Variants in IFT20 observed in about 807,000 individuals in gnomAD.
IFT20 encodes intraflagellar transport protein 20 homolog.
In IFT20, 4 loss-of-function variants were observed where a neutral mutation model predicts 16.9. The ratio of observed to expected loss-of-function variants is 0.24; its 90% confidence interval spans 0.12 to 0.54. IFT20 has a LOEUF of 0.54. IFT20 is among the 20% of genes least tolerant of loss of function. IFT20 has a pLI of 0.95. For synonymous variants in IFT20, 48 were observed against 49.9 expected (o/e 0.96, Z 0.16); for missense variants, 154 against 149.7 (o/e 1.03, Z -0.15).
At chr17:28,333,107 A>ACACACACACACACACACACACACAC (rs1555576829) in intron 1 of IFT20, among the ~76,000 whole-genome samples, 2 of 150,826 alleles carry the variant, frequency 1.3e-5, no homozygotes, top group African/African-American at 4.9e-5. Context: ...ACACACACAC[A>ACACACACACACACACACACACACAC]ATTAAACATA....
chr17:28,332,091 C>G, intron 1 of IFT20, 104 bp from the exon 2 acceptor site: 1 of 1,605,762 alleles, frequency 6.2e-7, no homozygotes, highest in Non-Finnish European at 8.5e-7. Flanking sequence ...ATGCCAAAAA[C>G]CCAGGTGTTC....
At chr17:28,333,779 AAGAT>A (rs1195703216) in intron 1 of IFT20, among the ~76,000 whole-genome samples, 1 of 152,156 alleles carries the variant, frequency 6.6e-6, no homozygotes, top group Non-Finnish European at 1.5e-5. Flanking sequence ...AAAGATTTCT[AAGAT>A]AGCCAGACCT....
chr17:28,329,455 G>C, intron 3 of IFT20, 179 bp from the exon 4 acceptor site: 1 of 574,412 alleles, frequency 1.7e-6, no homozygotes, highest in Non-Finnish European at 3.1e-6. Context: ...AGTGCCTCAA[G>C]AACTAGACGG....
At chr17:28,329,519 A>G (rs1906589322) in intron 3 of IFT20, 2 of 456,806 alleles carry the variant, frequency 4.4e-6, no homozygotes, top group Non-Finnish European at 7.8e-6. Flanking sequence ...CAGGCACAAT[A>G]GCACATTTGG....
rs56753724 is a variant in IFT20 at position 28,333,072 on chromosome 17, A to AACACACACACACACACACAC, written c.-2-1105_-2-1086dup. Among the ~76,000 whole-genome samples the AACACACACACACACACACAC allele has an allele frequency of 8.2e-3, 1,179 of 144,530 alleles. 16 individuals carry two copies. The highest frequency in any genetic ancestry group is 0.035 in the East Asian group (163 of 4,670). The allele number at this position is 144,530 out of a possible 152,430, so 94.8% of individuals were successfully genotyped here. ...AAAACTCACTCTTGTTCTGGCTCAAAACACACACACACACACACACACACA... is the reference window on the plus strand; with the variant it reads ...AAAACTCACTCTTGTTCTGGCTCAAAACACACACACACACACACACACACACACACACACACACACACACA... On this transcript the variant is annotated intron_variant, in intron 1 of 4. Coordinates refer to ENST00000395418, the MANE Select transcript of IFT20 (RefSeq NM_001267776.2).
intron 3 of IFT20, chr17:28,330,235 CA>C (rs34843464): frequency 0.51 from 264,103 of 517,270 alleles, 27,440 homozygotes; most frequent in African/African-American, 0.68. Context: ...GACTCTGTCT[CA>C]AAAAAAAAAA....
At position 28,331,925 on chromosome 17, in the gene IFT20, C is replaced by A. The variant is rs1247390444; in HGVS notation, c.61G>T (p.Val21Leu). ...TGCTGGGTAACCTCTGGGTCCAACA[C>A]CCTCAGCTTGTTCAGTTCATCAAAG... ...LHFDELNKLR[V>L]LDPEVTQQTI... is the part of the protein sequence containing the mutation. The change falls in exon 2 of 5, where the codon GTG (valine) becomes TTG (leucine). Residue 21 changes from valine (V) to leucine (L), a missense_variant. Coordinates refer to ENST00000395418, the MANE Select transcript of IFT20 (RefSeq NM_001267776.2). 4 of 1,614,112 alleles carry A rather than the reference C, an allele frequency of 2.5e-6. No homozygotes were observed. The highest frequency in any genetic ancestry group is 1.6e-4 in the Middle Eastern group (1 of 6,084).
intron 3 of IFT20, chr17:28,330,055 G>A (rs1173382822): frequency 3.6e-5 from 18 of 496,502 alleles, no homozygotes; most frequent in Admixed American, 1.2e-4. Flanking sequence ...AGAAAACTCC[G>A]TCTCAAAAAA....
chr17:28,329,443 AAAGTGCCTC>A (rs1906582752), intron 3 of IFT20, 167 bp from the exon 4 acceptor site: 2 of 588,736 alleles, frequency 3.4e-6, no homozygotes, highest in Admixed American at 6.4e-5. Flanking sequence ...TACTGATCAC[AAAGTGCCTC>A]AAGAACTAGA....
chr17:28,334,973 C>T (rs1907044207), intron 1 of IFT20, among the ~76,000 whole-genome samples: 1 of 151,758 alleles, frequency 6.6e-6, no homozygotes, highest in Non-Finnish European at 1.5e-5. Context: ...CTACCAACTC[C>T]CATCACACGC....
chr17:28,333,316 G>A (rs1906919334), intron 1 of IFT20, among the ~76,000 whole-genome samples: 1 of 152,198 alleles, frequency 6.6e-6, no homozygotes, highest in South Asian at 2.1e-4. Context: ...TTCTGAATGG[G>A]GTGATTCTGG....
At chr17:28,332,227 C>A in intron 1 of IFT20, 1 of 1,535,740 alleles carries the variant, frequency 6.5e-7, no homozygotes, top group Non-Finnish European at 8.7e-7. Context: ...GTCATAGGAG[C>A]AAGGGTCAGG....
intron 3 of IFT20, chr17:28,329,783 C>G (rs957990886): frequency 1.2e-5 from 2 of 170,394 alleles, no homozygotes; most frequent in African/African-American, 2.4e-5. Context: ...AAAAAATGGC[C>G]GGGCGCAGTC....
chr17:28,329,836 G>A (rs1275513577), intron 3 of IFT20: 6 of 210,118 alleles, frequency 2.9e-5, no homozygotes, highest in Non-Finnish European at 3.7e-5. Context: ...TGAGGCGGGC[G>A]GATCACCTAA....
At chr17:28,330,663 C>G (rs781832804) in intron 2 of IFT20, 135 bp from the exon 3 acceptor site, 1 of 644,616 alleles carries the variant, frequency 1.6e-6, no homozygotes. Flanking sequence ...GTGGGCCAGG[C>G]GTGGTGGAGA....
rs1240395668 is a variant in IFT20 at position 28,331,895 on chromosome 17, T to C, written c.91A>G (p.Ile31Val). Residue 31 changes from isoleucine to valine, a missense_variant, in exon 2 of 5, where the codon ATA becomes GTA. Physicochemically the swap from Ile to Val is conservative, Grantham distance 29. Coordinates refer to ENST00000395418, the MANE Select transcript of IFT20 (RefSeq NM_001267776.2). ...TCTTTGCACTCTTCCTTCAGCTCTA[T>C]GGTCTGCTGGGTAACCTCTGGGTCC... ...VLDPEVTQQTIELKEECKDFV... is the reference protein window; with the variant it reads ...VLDPEVTQQTVELKEECKDFV... 7 of 1,614,104 alleles carry C rather than the reference T, an allele frequency of 4.3e-6. No homozygotes were observed. In the East Asian group the frequency reaches 8.9e-5, roughly 21 times the overall value.
Position 28,329,170 on chromosome 17 carries a change from T to C in IFT20, c.317+3A>G. On this transcript the variant is annotated splice_donor_region_variant and intron_variant, in intron 4 of 4. Transcript: ENST00000395418. ...GAACTTGCTTTACATCATGACTTCT[T>C]ACCTTTCTAGCTGCATTTTCTTTTC... 3 of 1,608,490 alleles carry C rather than the reference T, an allele frequency of 1.9e-6. No individual in the cohort carries two copies. The highest frequency in any genetic ancestry group is 2.6e-6 in the Non-Finnish European group (3 of 1,175,030).
In IFT20 at chr17:28,331,999, C is replaced by T. The variant is rs1419900076; in HGVS notation, c.-2-12G>A. 6.2e-7 allele frequency: 1 copy of T among 1,614,060 alleles called. No homozygotes were observed. Among genetic ancestry groups the T allele is most frequent in the African/African-American group, 1.3e-5 (1 of 74,938 alleles). ...GTCCTTGGCCATGGCTGTAAAGAAACAGGCCCAATTCCTCATCACTTCCCA... is the reference window on the plus strand; with the variant it reads ...GTCCTTGGCCATGGCTGTAAAGAAATAGGCCCAATTCCTCATCACTTCCCA... On this transcript the variant is annotated splice_polypyrimidine_tract_variant and intron_variant, in intron 1 of 4. Coordinates refer to ENST00000395418, the MANE Select transcript of IFT20 (RefSeq NM_001267776.2).
intron 2 of IFT20, among the ~76,000 whole-genome samples, 167 bp from the exon 3 acceptor site, chr17:28,330,695 CAGG>C (rs1274282675): frequency 6.6e-6 from 1 of 152,144 alleles, no homozygotes; most frequent in Non-Finnish European, 1.5e-5. Flanking sequence ...CCCAGCTACT[CAGG>C]GGGCTGAGGT....
Sources: gnomAD v4.1 joint callset for allele counts (sites outside exome capture counted in the v4.1 genomes callset) on GRCh38, gnomAD v4.1.1 for gene constraint, MANE v1.5 for transcripts, NCBI Gene and HGNC (gene_info 2026-07-23, HGNC 2026-07-21) for gene names.